IQCM: variants seen among roughly 807,000 people sequenced by gnomAD.
The protein encoded by IQCM is IQ domain-containing protein M.
Under a neutral mutation model 57.6 loss-of-function variants are expected in IQCM, and 45 were observed. The ratio of observed to expected loss-of-function variants is 0.78; its 90% CI spans 0.62 to 1.00. The LOEUF is 1.00. IQCM is among the 50% of genes least tolerant of loss of function. IQCM has a pLI of 0.00. For synonymous variants in IQCM, 148 were observed against 158.9 expected, an observed-to-expected ratio of 0.93 and a Z score of 0.51; for missense variants, 468 against 511.6, an observed-to-expected ratio of 0.91 and a Z score of 0.82.
rs112417765 is a variant in IQCM at position 149,360,908 on chromosome 4, G to A, written c.1391-8842C>T. ...TGTGTAACACGCAGAAGTTGGAACA[G>A]TTTGGAGGGCTCAGAAGAAGACAGG... On this transcript the variant is annotated intron_variant, in intron 13 of 13. Coordinates refer to ENST00000636793, the MANE Select transcript of IQCM (RefSeq NM_001363507.2). 3.4e-3 allele frequency among the ~76,000 whole-genome samples: 515 copies of A among 152,338 alleles called. 1 individual carries two copies. The highest frequency in any genetic ancestry group is 5.5e-3 in the Non-Finnish European group (374 of 68,032).
At chr4:149,706,184 T>G (rs1224924416) in intron 5 of IQCM, among the ~76,000 whole-genome samples, 1 of 151,994 alleles carries the variant, frequency 6.6e-6, no homozygotes, top group African/African-American at 2.4e-5. Context: ...GACTTCAGCA[T>G]ATCACTGAAT....
rs12511474 is a variant in IQCM, at chr4:149,734,964, A to G, written c.120+412T>C. ...ACGGACAATTTTAATGCAAAAAGAT[A>G]CATGGAATATAATGTATCATGCTAA... On this transcript the variant is annotated intron_variant, in intron 4 of 13. Transcript: ENST00000636793. 7.9e-3 allele frequency among the ~76,000 whole-genome samples: 1,209 copies of G among 152,324 alleles called. 7 individuals carry two copies. Among genetic ancestry groups the G allele is most frequent in the Non-Finnish European group, 0.012 (825 of 68,026 alleles).
intron 2 of IQCM, among the ~76,000 whole-genome samples, chr4:149,752,748 A>G (rs1000150005): frequency 6.6e-6 from 1 of 152,188 alleles, no homozygotes; most frequent in African/African-American, 2.4e-5. Context: ...GCTCCAGTGT[A>G]GTAACCAGAA....
intron 6 of IQCM, among the ~76,000 whole-genome samples, chr4:149,685,699 C>A (rs1762498359): frequency 6.6e-6 from 1 of 151,512 alleles, no homozygotes; most frequent in African/African-American, 2.4e-5. Context: ...AAACAAGCTA[C>A]TGAAAAATAT....
chr4:149,622,296 C>T (rs1320844450), intron 7 of IQCM, among the ~76,000 whole-genome samples: 1 of 151,734 alleles, frequency 6.6e-6, no homozygotes, highest in African/African-American at 2.4e-5. Flanking sequence ...GAAGAGGCAA[C>T]ACAATCATAT....
At chr4:149,648,582 G>A (rs947621040) in intron 7 of IQCM, among the ~76,000 whole-genome samples, 3 of 152,150 alleles carry the variant, frequency 2.0e-5, no homozygotes, top group African/African-American at 7.2e-5. Flanking sequence ...TGGGTCAAAT[G>A]GTATTTCTAG....
intron 13 of IQCM, among the ~76,000 whole-genome samples, chr4:149,397,525 C>T (rs1403093125): frequency 5.9e-5 from 9 of 152,008 alleles, no homozygotes; most frequent in Non-Finnish European, 1.2e-4. Context: ...GTCTCTCTCT[C>T]GCTGCCATGT....
intron 13 of IQCM, among the ~76,000 whole-genome samples, chr4:149,372,370 C>T (rs1730424526): frequency 6.6e-6 from 1 of 151,964 alleles, no homozygotes; most frequent in Non-Finnish European, 1.5e-5. Context: ...TAAGGTGTTC[C>T]ATGAATTTTA....
chr4:149,692,804 C>G (rs1763036115), intron 5 of IQCM, among the ~76,000 whole-genome samples: 1 of 151,926 alleles, frequency 6.6e-6, no homozygotes, highest in Non-Finnish European at 1.5e-5. Context: ...GTAGCTAAAC[C>G]AATTCCACCA....
chr4:149,591,203 A>G (rs920978808), intron 8 of IQCM, among the ~76,000 whole-genome samples: 3 of 152,024 alleles, frequency 2.0e-5, no homozygotes, highest in Non-Finnish European at 2.9e-5. Context: ...CTTCTTTCTA[A>G]AAAAGCACCT....
chr4:149,591,768 T>A (rs889738320), intron 8 of IQCM, among the ~76,000 whole-genome samples: 1 of 152,052 alleles, frequency 6.6e-6, no homozygotes, highest in African/African-American at 2.4e-5. Context: ...CATGTCCCTA[T>A]AAAGGACATG....
chr4:149,794,228 C>T (rs906246198), intron 2 of IQCM, among the ~76,000 whole-genome samples: 1 of 152,176 alleles, frequency 6.6e-6, no homozygotes, highest in African/African-American at 2.4e-5. Context: ...GTACTGACTA[C>T]TGAACAGCTG....
chr4:149,472,172 A>T (rs1739638948), intron 12 of IQCM, among the ~76,000 whole-genome samples: 8 of 152,232 alleles, frequency 5.3e-5, no homozygotes, highest in Admixed American at 5.2e-4. Flanking sequence ...GAAAAGAGAA[A>T]GTCAAATTGT....
At chr4:149,814,609 A>G (rs536991569) in intron 2 of IQCM, among the ~76,000 whole-genome samples, 2 of 152,126 alleles carry the variant, frequency 1.3e-5, no homozygotes, top group African/African-American at 4.8e-5. Flanking sequence ...AATGACAAAT[A>G]TCAATCAGGT....
intron 2 of IQCM, among the ~76,000 whole-genome samples, chr4:149,797,551 G>A (rs1018149945): frequency 6.6e-6 from 1 of 151,876 alleles, no homozygotes; most frequent in African/African-American, 2.4e-5. Context: ...ATCCTACAGA[G>A]AGATATCAAT....
chr4:149,753,167 T>C (rs1768619177), intron 2 of IQCM, among the ~76,000 whole-genome samples: 1 of 151,996 alleles, frequency 6.6e-6, no homozygotes, highest in African/African-American at 2.4e-5. Context: ...TTAACATATG[T>C]CCAAAACTAA....
chr4:149,511,523 G>A (rs1421425112), intron 12 of IQCM, among the ~76,000 whole-genome samples: 1 of 132,858 alleles, frequency 7.5e-6, no homozygotes, highest in Non-Finnish European at 1.6e-5. Context: ...ATGAGACCCT[G>A]TCTCTAAATA....
chr4:149,463,817 A>G (rs1335272307), intron 12 of IQCM, among the ~76,000 whole-genome samples: 1 of 152,222 alleles, frequency 6.6e-6, no homozygotes, highest in East Asian at 1.9e-4. Flanking sequence ...AATCATAATG[A>G]ATATAAAAGA....
At chr4:149,675,328 G>A (rs972336822) in intron 7 of IQCM, among the ~76,000 whole-genome samples, 3 of 151,838 alleles carry the variant, frequency 2.0e-5, no homozygotes, top group Non-Finnish European at 4.4e-5. Context: ...GACAAAGGGA[G>A]AATGGTTTGG....
Sources: allele counts gnomAD v4.1 joint callset (sites outside exome capture counted in the v4.1 genomes callset), GRCh38; gene constraint gnomAD v4.1.1; transcripts MANE v1.5; gene names NCBI Gene and HGNC (gene_info 2026-07-23, HGNC 2026-07-21).